Variants in CCDC85A observed in about 807,000 individuals in gnomAD.
The protein encoded by CCDC85A is coiled-coil domain-containing protein 85A.
A neutral mutation model predicts 50.2 loss-of-function variants in CCDC85A; 38 were observed. The ratio of observed to expected loss-of-function variants is 0.76; its 90% CI spans 0.58 to 0.99. The LOEUF (loss-of-function observed/expected upper bound fraction) is 0.99. Among genes scored for constraint, CCDC85A ranks in the 50% least tolerant of loss-of-function variants. The probability of loss-of-function intolerance (pLI) is 0.00; values close to 1 mark genes in which losing one functional copy is unlikely to be tolerated. For missense variants in CCDC85A, 820 were observed against 742.0 expected (o/e 1.11, Z -1.22); for synonymous variants, 366 against 301.4 (o/e 1.21, Z -2.22).
chr2:56,200,315 C>A (rs537698717), intron 2 of CCDC85A, among the ~76,000 whole-genome samples: 5 of 152,264 alleles, frequency 3.3e-5, no homozygotes, highest in Admixed American at 1.3e-4. Flanking sequence ...TTATGGTGAG[C>A]ATTGAGCATA....
chr2:56,332,849 C>T (rs529224400), intron 2 of CCDC85A, among the ~76,000 whole-genome samples: 9 of 152,226 alleles, frequency 5.9e-5, no homozygotes, highest in Non-Finnish European at 1.2e-4. Context: ...GACTTTCAAA[C>T]GTCATTACAG....
intron 2 of CCDC85A, among the ~76,000 whole-genome samples, chr2:56,237,141 G>A (rs1026944999): frequency 6.6e-6 from 1 of 152,058 alleles, no homozygotes; most frequent in African/African-American, 2.4e-5. Flanking sequence ...AGAATCTGAT[G>A]GCTTCACCAA....
chr2:56,260,149 A>T (rs57041406), intron 2 of CCDC85A, among the ~76,000 whole-genome samples: 33,938 of 152,100 alleles, frequency 0.22, 3,842 homozygotes, highest in East Asian at 0.3. Context: ...GAAAAATACC[A>T]ATGTGAAAAT....
chr2:56,306,275 G>C (rs924803537), intron 2 of CCDC85A, among the ~76,000 whole-genome samples: 4 of 152,012 alleles, frequency 2.6e-5, no homozygotes, highest in Admixed American at 2.6e-4. Flanking sequence ...GATTACAAGT[G>C]CCTGCCACCA....
chr2:56,232,322 G>A (rs192516314), intron 2 of CCDC85A, among the ~76,000 whole-genome samples: 1 of 152,180 alleles, frequency 6.6e-6, no homozygotes. Context: ...TTAGAAAATG[G>A]TACCGCTCAA....
chr2:56,341,277 A>G (rs1488423233), intron 2 of CCDC85A, among the ~76,000 whole-genome samples: 1 of 152,162 alleles, frequency 6.6e-6, no homozygotes, highest in East Asian at 1.9e-4. Flanking sequence ...TTACTGGGGA[A>G]GTGGTAATCA....
chr2:56,328,172 A>C (rs1573267887), intron 2 of CCDC85A, among the ~76,000 whole-genome samples: 1 of 152,184 alleles, frequency 6.6e-6, no homozygotes, highest in Non-Finnish European at 1.5e-5. Flanking sequence ...CAGATGAAGA[A>C]GAATGAGAAA....
chr2:56,278,811 G>C (rs1396293346), intron 2 of CCDC85A, among the ~76,000 whole-genome samples: 1 of 152,152 alleles, frequency 6.6e-6, no homozygotes, highest in African/African-American at 2.4e-5. Context: ...GACTTCAAGT[G>C]AACAGCCCAC....
At chr2:56,241,100 A>G (rs1232179567) in intron 2 of CCDC85A, among the ~76,000 whole-genome samples, 1 of 152,196 alleles carries the variant, frequency 6.6e-6, no homozygotes, top group African/African-American at 2.4e-5. Context: ...TCTAATAACT[A>G]AGAAACATTT....
chr2:56,367,255 T>C (rs1675840487), intron 3 of CCDC85A, among the ~76,000 whole-genome samples: 1 of 152,318 alleles, frequency 6.6e-6, no homozygotes, highest in African/African-American at 2.4e-5. Flanking sequence ...CTAGTGTTGT[T>C]ACAGTAGGAT....
chr2:56,305,403 A>G (rs1012301114), intron 2 of CCDC85A, among the ~76,000 whole-genome samples: 3 of 152,196 alleles, frequency 2.0e-5, no homozygotes, highest in African/African-American at 4.8e-5. Context: ...CCCCAGGTCA[A>G]ACAGCTAGTA....
At chr2:56,220,714 G>A (rs2103905395) in intron 2 of CCDC85A, among the ~76,000 whole-genome samples, 1 of 152,122 alleles carries the variant, frequency 6.6e-6, no homozygotes, top group East Asian at 1.9e-4. Context: ...CTTAATGACA[G>A]GACAAAGCCA....
At chr2:56,222,433 C>T (rs190146283) in intron 2 of CCDC85A, among the ~76,000 whole-genome samples, 21 of 152,156 alleles carry the variant, frequency 1.4e-4, no homozygotes, top group Non-Finnish European at 2.8e-4. Flanking sequence ...ACGTGGAATG[C>T]ATCTGAAATA....
chr2:56,189,911 A>C (rs1250581436), intron 1 of CCDC85A, among the ~76,000 whole-genome samples: 1 of 152,204 alleles, frequency 6.6e-6, no homozygotes, highest in African/African-American at 2.4e-5. Context: ...GGCAAAGGTC[A>C]GGCCTGAAAA....
chr2:56,314,341 GCAA>G (rs1404495880), intron 2 of CCDC85A, among the ~76,000 whole-genome samples: 1 of 151,748 alleles, frequency 6.6e-6, no homozygotes, highest in Non-Finnish European at 1.5e-5. Context: ...TACTAAGCCT[GCAA>G]TCTTTAGGAA....
intron 2 of CCDC85A, among the ~76,000 whole-genome samples, chr2:56,215,293 C>T (rs891207233): frequency 6.6e-6 from 1 of 151,820 alleles, no homozygotes; most frequent in South Asian, 2.1e-4. Flanking sequence ...TGTTTTTTGT[C>T]ATTTCTTTGA....
intron 2 of CCDC85A, among the ~76,000 whole-genome samples, chr2:56,295,956 A>G (rs1417475374): frequency 6.6e-6 from 1 of 152,196 alleles, no homozygotes; most frequent in African/African-American, 2.4e-5. Context: ...CGACTTTCTA[A>G]TTAAGTCTGT....
chr2:56,362,126 A>G (rs1470766293), intron 3 of CCDC85A, among the ~76,000 whole-genome samples: 1 of 152,216 alleles, frequency 6.6e-6, no homozygotes, highest in East Asian at 1.9e-4. Context: ...AACTACTCAC[A>G]GAGACTATGC....
At chr2:56,372,261 A>T in intron 3 of CCDC85A, 83 bp from the exon 4 acceptor site, 1 of 1,364,240 alleles carries the variant, frequency 7.3e-7, no homozygotes, top group Non-Finnish European at 9.7e-7. Flanking sequence ...TCATCTCATT[A>T]AGCTTCATGT....
Sources: gnomAD v4.1 joint callset for allele counts (sites outside exome capture counted in the v4.1 genomes callset) on GRCh38, gnomAD v4.1.1 for gene constraint, MANE v1.5 for transcripts, NCBI Gene and HGNC (gene_info 2026-07-23, HGNC 2026-07-21) for gene names.